ENO4: variants seen among roughly 807,000 people sequenced by gnomAD.
The protein encoded by ENO4 is enolase 4.
A neutral mutation model predicts 63.2 loss-of-function variants in ENO4; 53 were observed. The ratio of observed to expected loss-of-function variants is 0.84; its 90% CI spans 0.67 to 1.05. ENO4 has a LOEUF of 1.05. ENO4 is among the 50% of genes least tolerant of loss of function. ENO4 has a pLI of 0.00. For missense variants in ENO4, 719 were observed against 772.0 expected, an observed-to-expected ratio of 0.93 and a Z score of 0.81; for synonymous variants, 266 against 283.8, an observed-to-expected ratio of 0.94 and a Z score of 0.63.
At chr10:116,881,357 A>T (rs1230787999) in intron 13 of ENO4, 158 bp from the exon 14 acceptor site, 6 of 575,180 alleles carry the variant, frequency 1.0e-5, no homozygotes, top group Non-Finnish European at 1.8e-5. Context: ...TTAACATATA[A>T]CCAAAGATAC....
chr10:116,874,288 TTTTATA>T (rs1206524072), intron 10 of ENO4, 87 bp downstream of exon 10: 81 of 1,040,620 alleles, frequency 7.8e-5, no homozygotes, highest in Admixed American at 3.2e-4. Context: ...ATAACTCACC[TTTTATA>T]TTTATAACAA....
At chr10:116,893,189 C>A (rs1847392962) in intron 10 of ENO4, among the ~76,000 whole-genome samples, 1 of 152,066 alleles carries the variant, frequency 6.6e-6, no homozygotes. Context: ...TCCTGACAGG[C>A]GGATCTTTCG....
intron 8 of ENO4, 70 bp downstream of exon 8, chr10:116,868,776 T>G (rs1846611879): frequency 7.3e-7 from 1 of 1,373,606 alleles, no homozygotes; most frequent in Admixed American, 2.0e-5. Flanking sequence ...CTTTTTATCT[T>G]CCATAGTCAC....
At chr10:116,906,026 A>T (rs903982669) in intron 10 of ENO4, among the ~76,000 whole-genome samples, 6 of 152,250 alleles carry the variant, frequency 3.9e-5, no homozygotes, top group African/African-American at 1.4e-4. Flanking sequence ...ACAGGCAGGC[A>T]CAGTAAGTTA....
intron 8 of ENO4, among the ~76,000 whole-genome samples, chr10:116,870,885 A>G (rs1163769307): frequency 3.3e-5 from 5 of 152,102 alleles, no homozygotes. Flanking sequence ...CAGACACACT[A>G]AAGAGAGAAA....
Position 116,855,611 on chromosome 10 carries a change from T to TTC in ENO4, c.166-12_166-11insTC, listed in dbSNP as rs2133247015. 1 of 1,536,082 alleles carries TTC rather than the reference T, an allele frequency of 6.5e-7. No homozygotes were observed. Among genetic ancestry groups the TTC allele is most frequent in the Non-Finnish European group, 8.7e-7 (1 of 1,146,854 alleles). ...GAACCAGATGATTTTTGTTCTTTTG[T>TTC]GTGTGTTGAAGGCAAACTGCTTTTC... On this transcript the variant is annotated splice_polypyrimidine_tract_variant and intron_variant, in intron 1 of 13. Transcript: ENST00000341276.
chr10:116,900,472 A>T, intron 10 of ENO4: 2 of 1,362,656 alleles, frequency 1.5e-6, no homozygotes, highest in Non-Finnish European at 1.0e-6. Context: ...TGTAATTTCC[A>T]CTTACTTTTG....
intron 2 of ENO4, among the ~76,000 whole-genome samples, chr10:116,856,236 ATTG>A (rs1230764893): frequency 2.0e-5 from 3 of 152,136 alleles, no homozygotes; most frequent in Non-Finnish European, 4.4e-5. Context: ...TCTGATTTTT[ATTG>A]TTATTTATTG....
intron 10 of ENO4, among the ~76,000 whole-genome samples, chr10:116,893,576 G>GCACACACACACACACACACACA (rs6144113): frequency 0.14 from 17,773 of 123,412 alleles, 1,948 homozygotes; most frequent in African/African-American, 0.24. Context: ...GCACTCATGT[G>GCACACACACACACACACACACA]CACACACACA....
chr10:116,856,490 A>G lies in ENO4; in HGVS notation c.295-2A>G. On this transcript the variant is annotated splice_acceptor_variant, in intron 2 of 13. Coordinates refer to ENST00000341276, the MANE Select transcript of ENO4 (RefSeq NM_001242699.2). LOFTEE classifies it high-confidence loss of function. ...TGTTGAACACATTTATATGATTTTCAGAACGTATGTTCTGTGGTGATCTCG... is the reference window on the plus strand; with the variant it reads ...TGTTGAACACATTTATATGATTTTCGGAACGTATGTTCTGTGGTGATCTCG... 2 of 1,535,472 alleles carry G rather than the reference A, an allele frequency of 1.3e-6. No homozygotes were observed. Among genetic ancestry groups the G allele is most frequent in the Non-Finnish European group, 1.7e-6 (2 of 1,146,568 alleles).
At chr10:116,902,812 T>A (rs890006935) in intron 10 of ENO4, among the ~76,000 whole-genome samples, 1 of 152,226 alleles carries the variant, frequency 6.6e-6, no homozygotes, top group Non-Finnish European at 1.5e-5. Context: ...AATGTGCCAG[T>A]AAGAAGAGCA....
Position 116,874,221 on chromosome 10 carries a change from T to C in ENO4, c.1341+20T>C. The C allele has an allele frequency of 1.3e-6, 2 of 1,515,040 alleles. No homozygotes were observed. The highest frequency in any genetic ancestry group is 8.9e-7 in the Non-Finnish European group (1 of 1,121,356). 93.8% of individuals were successfully genotyped at this position (1,515,040 alleles called of 1,614,324 possible). ...AAGGAGGTAAGCACCCCACCTTCCA[T>C]ATTTTATAACATATTTTATATGCCA... On this transcript the variant is annotated intron_variant, in intron 10 of 13. Transcript: ENST00000341276.
chr10:116,875,009 A>T (rs992062667), intron 10 of ENO4, among the ~76,000 whole-genome samples: 14 of 152,146 alleles, frequency 9.2e-5, no homozygotes, highest in African/African-American at 3.4e-4. Context: ...TGAGATATTG[A>T]GGTTTTATGA....
chr10:116,889,147 T>TA (rs1847255998), intron 10 of ENO4, among the ~76,000 whole-genome samples: 1 of 152,222 alleles, frequency 6.6e-6, no homozygotes, highest in Admixed American at 6.5e-5. Flanking sequence ...TGTGTGTCTG[T>TA]AGGTGAAGGG....
intron 10 of ENO4, among the ~76,000 whole-genome samples, chr10:116,896,978 T>C (rs1228792886): frequency 6.6e-6 from 1 of 152,166 alleles, no homozygotes; most frequent in East Asian, 1.9e-4. Context: ...AACTAATTTT[T>C]GTATTTTTAG....
At chr10:116,887,845 A>T (rs1847214323) in intron 10 of ENO4, among the ~76,000 whole-genome samples, 2 of 152,178 alleles carry the variant, frequency 1.3e-5, no homozygotes, top group Non-Finnish European at 2.9e-5. Flanking sequence ...AGGGGGAGAA[A>T]TCAAGGTTTG....
At chr10:116,888,720 G>GT (rs1159864663) in intron 10 of ENO4, among the ~76,000 whole-genome samples, 1 of 152,162 alleles carries the variant, frequency 6.6e-6, no homozygotes, top group Non-Finnish European at 1.5e-5. Context: ...TGCCAGTTAG[G>GT]TGAGTCAGCA....
At chr10:116,850,987 A>G (rs1321490759) in intron 1 of ENO4, among the ~76,000 whole-genome samples, 1 of 152,208 alleles carries the variant, frequency 6.6e-6, no homozygotes, top group Non-Finnish European at 1.5e-5. Context: ...CTCTCATTCC[A>G]TTCTCTTCCT....
At chr10:116,860,032 T>G (rs1184081861) in intron 4 of ENO4, among the ~76,000 whole-genome samples, 1 of 152,170 alleles carries the variant, frequency 6.6e-6, no homozygotes, top group Non-Finnish European at 1.5e-5. Context: ...GATGGTTGCT[T>G]TTGACTAATA....
Sources: allele counts gnomAD v4.1 joint callset (sites outside exome capture counted in the v4.1 genomes callset), GRCh38; gene constraint gnomAD v4.1.1; transcripts MANE v1.5; gene names NCBI Gene and HGNC (gene_info 2026-07-23, HGNC 2026-07-21).